PIGZ: variants seen among roughly 807,000 people sequenced by gnomAD.
PIGZ encodes the protein GPI alpha-1,2-mannosyltransferase 4.
PIGZ carries 16 observed loss-of-function variants against 16.4 expected under a neutral mutation model. That is an observed-to-expected ratio of 0.97 (90% CI 0.66 to 1.48). The LOEUF is 1.48. Ranked by LOEUF, PIGZ falls within the 40% of genes most tolerant of loss-of-function variation. PIGZ has a pLI of 0.00. For missense variants in PIGZ, 770 were observed against 739.2 expected (o/e 1.04, Z -0.48); for synonymous variants, 409 against 338.4 (o/e 1.21, Z -2.29).
In PIGZ at chr3:196,947,706, G is replaced by A; in HGVS notation, c.1191C>T (p.Val397=). The change falls in exon 3 of 3, where the codon GTC becomes GTT. Residue 397 remains valine, a synonymous_variant. Transcript: ENST00000412723. ...QEARFLIPLL[V]PLVLLCSPQT... is the part of the protein sequence containing the mutation. ...GTGGACTACAAAGCAGGACCAGGGG[G>A]ACCAGGAGGGGAATCAGGAACCGAG... 6.2e-7 allele frequency: 1 copy of A among 1,613,262 alleles called. No individual in the cohort carries two copies. Among genetic ancestry groups the A allele is most frequent in the Non-Finnish European group, 8.5e-7 (1 of 1,179,596 alleles).
rs565415578 is a variant in PIGZ at position 196,948,552 on chromosome 3, C to A, written c.345G>T (p.Pro115=). The change falls in exon 3 of 3, where the codon CCG becomes CCT. Residue 115 remains proline, a synonymous_variant. Transcript: ENST00000412723. ...WLLRLWEELG[P]WPGLVSGYAL... ...CATAGCCGCTCACCAGGCCAGGCCACGGCCCCAGCTCCTCCCAGAGCCTGA... is the reference window on the plus strand; with the variant it reads ...CATAGCCGCTCACCAGGCCAGGCCAAGGCCCCAGCTCCTCCCAGAGCCTGA... The A allele has an allele frequency of 3.1e-6, 5 of 1,602,984 alleles. No homozygotes were observed. The highest frequency in any genetic ancestry group is 4.3e-6 in the Non-Finnish European group (5 of 1,175,132).
chr3:196,946,794 A>G lies in PIGZ; in HGVS notation c.*363T>C, dbSNP rs1716896877. 5.3e-6 allele frequency: 1 copy of G among 189,152 alleles called. No individual in the cohort carries two copies. Among genetic ancestry groups the G allele is most frequent in the East Asian group, 1.4e-4 (1 of 7,112 alleles). 11.7% of individuals were successfully genotyped at this position (189,152 alleles called of 1,614,324 possible). ...GGTAAGGCATCATGGGAGGTTTGGG[A>G]GAGGTCATTGAGGAATGTCACTAGC... On this transcript the variant is annotated 3_prime_UTR_variant, in exon 3 of 3. Coordinates refer to ENST00000412723, the MANE Select transcript of PIGZ (RefSeq NM_025163.4).
At chr3:196,948,980 C>CCCTT in intron 2 of PIGZ, among the ~76,000 whole-genome samples, 1 of 38,974 alleles carries the variant, frequency 2.6e-5, no homozygotes, top group African/African-American at 2.2e-4. Context: ...CCCCTCCCCT[C>CCCTT]CCTTCCCTTC....
intron 1 of PIGZ, among the ~76,000 whole-genome samples, chr3:196,963,826 T>C (rs985938084): frequency 2.0e-5 from 3 of 152,314 alleles, no homozygotes; most frequent in Admixed American, 6.5e-5. Context: ...TAGGCTTCTC[T>C]TCCTCTGTCC....
chr3:196,956,970 T>C (rs1717513177), intron 1 of PIGZ, among the ~76,000 whole-genome samples: 1 of 152,216 alleles, frequency 6.6e-6, no homozygotes, highest in South Asian at 2.1e-4. Context: ...CATAGTGCCC[T>C]GTTTATTTGT....
At chr3:196,967,307 C>G (rs1216381224) in intron 1 of PIGZ, among the ~76,000 whole-genome samples, 1 of 152,146 alleles carries the variant, frequency 6.6e-6, no homozygotes, top group East Asian at 1.9e-4. Flanking sequence ...GCTCCAGGGA[C>G]AGCCGTGAAC....
At chr3:196,959,983 C>T (rs115371189) in intron 1 of PIGZ, among the ~76,000 whole-genome samples, 168 of 152,278 alleles carry the variant, frequency 1.1e-3, no homozygotes, top group African/African-American at 3.9e-3. Flanking sequence ...TTGTTTTCTC[C>T]TGGGAAACAA....
At position 196,947,752 on chromosome 3, in the gene PIGZ, G is replaced by C. The variant is rs1461682066; in HGVS notation, c.1145C>G (p.Ser382Cys). Residue 382 changes from serine (S) to cysteine (C), a missense_variant, in exon 3 of 3, where the codon TCT (serine) becomes TGT (cysteine). Transcript: ENST00000412723. ...CCGAGCCTCCTGGTGGCTAAAGGCA[G>C]ATAGCAGGGCCAGAGGCATGAAGTA... is the stretch of plus-strand genomic sequence containing the variant. ...LLYFMPLALL[S>C]AFSHQEARFL... The C allele has an allele frequency of 1.2e-6, 2 of 1,612,548 alleles. No homozygotes were observed. Among genetic ancestry groups the C allele is most frequent in the South Asian group, 1.1e-5 (1 of 90,782 alleles).
chr3:196,951,888 C>T lies in PIGZ; in HGVS notation c.144G>A (p.Trp48Ter). 1 of 1,614,192 alleles carries T rather than the reference C, an allele frequency of 6.2e-7. No homozygotes were observed. The highest frequency in any genetic ancestry group is 8.5e-7 in the Non-Finnish European group (1 of 1,180,042). Residue 48 changes from tryptophan to a stop codon, truncating the protein, a stop_gained, in exon 2 of 3, where the codon TGG becomes TGA. Transcript: ENST00000412723. LOFTEE classifies it high-confidence loss of function. ...CATAGCCCGTCTGCGGAAGGAGACA[C>T]CACAGCACTCGGAGCAGGCTGAGAC... ...WGGLSLLRVLWCLLPQTGYVH... is the reference protein window; with the variant it reads ...WGGLSLLRVL
Position 196,948,532 on chromosome 3 carries a change from C to G in PIGZ, c.365G>C (p.Gly122Ala). 6.2e-7 allele frequency: 1 copy of G among 1,610,006 alleles called. No homozygotes were observed. The highest frequency in any genetic ancestry group is 8.5e-7 in the Non-Finnish European group (1 of 1,178,256). The change falls in exon 3 of 3, where the codon GGC (glycine) becomes GCC (alanine). Residue 122 changes from glycine (G) to alanine (A), a missense_variant. Coordinates refer to ENST00000412723, the MANE Select transcript of PIGZ (RefSeq NM_025163.4). ...ELGPWPGLVS[G>A]YALLVGPRLL... is the part of the protein sequence containing the mutation. The stretch of plus-strand genomic sequence containing the variant: ...TCGAGGCCCCACCAGCAGCGCATAG[C>G]CGCTCACCAGGCCAGGCCACGGCCC...
At position 196,965,156 on chromosome 3, in the gene PIGZ, T is replaced by G. The variant is rs1717876707; in HGVS notation, c.-1+3531A>C. ...TTACTGTGTTAATCTATTCTCACAC[T>G]GCTATAAAGAACTGCCCAAGACTGG... On this transcript the variant is annotated intron_variant, in intron 1 of 2. Coordinates refer to ENST00000412723, the MANE Select transcript of PIGZ (RefSeq NM_025163.4). The surrounding 1 kb of genome is among the most constrained non-coding windows in gnomAD (Gnocchi z 4.2). Among the ~76,000 whole-genome samples, 1 of 152,224 alleles carries G rather than the reference T, an allele frequency of 6.6e-6. No homozygotes were observed. Among genetic ancestry groups the G allele is most frequent in the South Asian group, 2.1e-4 (1 of 4,828 alleles).
Position 196,948,597 on chromosome 3 carries a change from A to C in PIGZ, c.300T>G (p.Ser100=). ...CRSVLFPLLI[S]GSTFWLLRLW... is the part of the protein sequence containing the mutation. ...GCCTGAGCAGCCAGAAGGTGGAACC[A>C]GAGATCAGCAGGGGGAAGAGCACCG... The change falls in exon 3 of 3, where the codon TCT becomes TCG. Residue 100 remains serine, a synonymous_variant. Transcript: ENST00000412723. 6.4e-7 allele frequency: 1 copy of C among 1,569,842 alleles called. No homozygotes were observed. Among genetic ancestry groups the C allele is most frequent in the African/African-American group, 1.4e-5 (1 of 73,990 alleles).
At position 196,948,217 on chromosome 3, in the gene PIGZ, C is replaced by T. The variant is rs368530864; in HGVS notation, c.680G>A (p.Arg227Gln). The change falls in exon 3 of 3, where the codon CGG becomes CAG. Residue 227 changes from arginine to glutamine, a missense_variant. Arg to Gln is a conservative substitution (Grantham distance 43). Coordinates refer to ENST00000412723, the MANE Select transcript of PIGZ (RefSeq NM_025163.4). ...CACAGCAAAGGCCAGAAAGGTGGGCCGGTTGAAGAAGCCAGCAGCCACAAT... is the reference window on the plus strand; with the variant it reads ...CACAGCAAAGGCCAGAAAGGTGGGCTGGTTGAAGAAGCCAGCAGCCACAAT... ...GGIVAAGFFN[R>Q]PTFLAFAVVP... is the part of the protein sequence containing the mutation. The T allele has an allele frequency of 6.1e-5, 98 of 1,614,028 alleles. No individual in the cohort carries two copies. Among genetic ancestry groups the T allele is most frequent in the Non-Finnish European group, 8.0e-5 (94 of 1,180,022 alleles).
At chr3:196,956,340 C>T (rs7611905) in intron 1 of PIGZ, among the ~76,000 whole-genome samples, 58,668 of 152,080 alleles carry the variant, frequency 0.39, 11,898 homozygotes, top group East Asian at 0.68. Context: ...GGCAAAGGCA[C>T]GTCTTACATG....
At chr3:196,957,268 A>G (rs992068945) in intron 1 of PIGZ, among the ~76,000 whole-genome samples, 1 of 151,928 alleles carries the variant, frequency 6.6e-6, no homozygotes, top group Non-Finnish European at 1.5e-5. Flanking sequence ...CAGGCTCATG[A>G]TTACAAATTC....
In PIGZ at chr3:196,948,515, C is replaced by T. The variant is rs1336520920; in HGVS notation, c.382G>A (p.Gly128Arg). Residue 128 changes from glycine (G) to arginine (R), a missense_variant, in exon 3 of 3, where the codon GGG becomes AGG. Gly to Arg is a moderately radical substitution (Grantham distance 125). Coordinates refer to ENST00000412723, the MANE Select transcript of PIGZ (RefSeq NM_025163.4). Reference sequence around the variant, plus strand: ...AGGGCAGTGAGGAGGAGTCGAGGCCCCACCAGCAGCGCATAGCCGCTCACC... The same window carrying T: ...AGGGCAGTGAGGAGGAGTCGAGGCCTCACCAGCAGCGCATAGCCGCTCACC... ...GLVSGYALLV[G>R]PRLLLTALSF... The T allele has an allele frequency of 1.9e-6, 3 of 1,612,180 alleles. No homozygotes were observed. In the East Asian group the frequency reaches 6.7e-5, roughly 36 times the overall value.
chr3:196,960,381 G>GA (rs1391617409), intron 1 of PIGZ, among the ~76,000 whole-genome samples: 1 of 152,158 alleles, frequency 6.6e-6, no homozygotes, highest in Non-Finnish European at 1.5e-5. Context: ...TTTGCTAAAA[G>GA]AAAATAACGG....
At chr3:196,959,903 G>A (rs192808369) in intron 1 of PIGZ, among the ~76,000 whole-genome samples, 415 of 152,290 alleles carry the variant, frequency 2.7e-3, no homozygotes, top group Non-Finnish European at 4.9e-3. Flanking sequence ...CTTGAAGTTG[G>A]GTTATGCAAA....
At position 196,965,161 on chromosome 3, in the gene PIGZ, T is replaced by A. The variant is rs1717877302; in HGVS notation, c.-1+3526A>T. On this transcript the variant is annotated intron_variant, in intron 1 of 2. Coordinates refer to ENST00000412723, the MANE Select transcript of PIGZ (RefSeq NM_025163.4). The surrounding 1 kb of genome is among the most constrained non-coding windows in gnomAD (Gnocchi z 4.2). ...GTGTTAATCTATTCTCACACTGCTA[T>A]AAAGAACTGCCCAAGACTGGGCAAT... is the stretch of plus-strand genomic sequence containing the variant. 6.6e-6 allele frequency among the ~76,000 whole-genome samples: 1 copy of A among 152,218 alleles called. No homozygotes were observed. The highest frequency in any genetic ancestry group is 2.1e-4 in the South Asian group (1 of 4,832).
Sources: allele counts gnomAD v4.1 joint callset (sites outside exome capture counted in the v4.1 genomes callset), GRCh38; gene constraint gnomAD v4.1.1; non-coding constraint Gnocchi (gnomAD v3.1); transcripts MANE v1.5; gene names NCBI Gene and HGNC (gene_info 2026-07-23, HGNC 2026-07-21).